Variants in PLEKHG5 observed in about 807,000 individuals in gnomAD.
The protein encoded by PLEKHG5 is pleckstrin homology and RhoGEF domain containing G5.
In PLEKHG5, 52 loss-of-function variants were observed where a neutral mutation model predicts 103.8. The observed-to-expected ratio is 0.50, with a 90% confidence interval of 0.40 to 0.63. PLEKHG5 has a LOEUF of 0.63. Among genes scored for constraint, PLEKHG5 ranks in the 30% least tolerant of loss-of-function variants. The pLI is 0.00. For synonymous variants in PLEKHG5, 592 were observed against 575.5 expected (o/e 1.03, Z -0.41); for missense variants, 1,205 against 1,347.6 (o/e 0.89, Z 1.66).
chr1:6,496,909 G>A, upstream of PLEKHG5: 1 of 1,443,768 alleles, frequency 6.9e-7, no homozygotes, highest in Non-Finnish European at 9.1e-7. Flanking sequence ...GTCCCGGCAG[G>A]GCTGCTGGGG....
At chr1:6,476,715 T>A (rs1433424245) in intron 2 of PLEKHG5, among the ~76,000 whole-genome samples, 1 of 152,210 alleles carries the variant, frequency 6.6e-6, no homozygotes, top group Non-Finnish European at 1.5e-5. Flanking sequence ...TGACCACACC[T>A]GAATTCCCAA....
upstream of PLEKHG5, among the ~76,000 whole-genome samples, chr1:6,494,599 T>C (rs1373354562): frequency 6.6e-6 from 1 of 152,184 alleles, no homozygotes; most frequent in Non-Finnish European, 1.5e-5. Context: ...GACAATGTTA[T>C]TCTTTGTTTC....
At chr1:6,514,401 T>C (rs796224814) in intron 1 of PLEKHG5, among the ~76,000 whole-genome samples, 33 of 150,822 alleles carry the variant, frequency 2.2e-4, no homozygotes, top group African/African-American at 7.8e-4. Context: ...CTGCAGTGAG[T>C]TGTGATTGTG....
At chr1:6,477,400 C>G in intron 2 of PLEKHG5, 129 bp downstream of exon 2, 1 of 978,394 alleles carries the variant, frequency 1.0e-6, no homozygotes, top group Non-Finnish European at 1.6e-6. Context: ...CAAAAGGAAC[C>G]GTAACATACT....
Position 6,471,084 on chromosome 1 carries a change from T to C in PLEKHG5, c.1298A>G (p.Lys433Arg), listed in dbSNP as rs914998161. ...KGFKMFGSLF[K>R]PYIRYCMEEE... ...CTCCATGCAGTAGCGGATGTAGGGCTTGAAGAGCGAGCCGAACTGGCCCGG... is the reference window on the plus strand; with the variant it reads ...CTCCATGCAGTAGCGGATGTAGGGCCTGAAGAGCGAGCCGAACTGGCCCGG... Residue 433 changes from lysine (K) to arginine (R), a missense_variant, in exon 13 of 21, where the codon AAG becomes AGG. Lys to Arg is a conservative substitution (Grantham distance 26). Coordinates refer to ENST00000377728, the MANE Select transcript of PLEKHG5 (RefSeq NM_020631.6). 1 of 1,589,026 alleles carries C rather than the reference T, an allele frequency of 6.3e-7. No homozygotes were observed. The highest frequency in any genetic ancestry group is 8.6e-7 in the Non-Finnish European group (1 of 1,168,886).
At chr1:6,477,730 C>G in intron 1 of PLEKHG5, 72 bp from the exon 2 acceptor site, 1 of 1,554,266 alleles carries the variant, frequency 6.4e-7, no homozygotes, top group Non-Finnish European at 8.7e-7. Context: ...CCCAGCGCTG[C>G]AGGGACTTAG....
chr1:6,478,139 C>G (rs1644812799), intron 1 of PLEKHG5, among the ~76,000 whole-genome samples: 1 of 152,194 alleles, frequency 6.6e-6, no homozygotes, highest in African/African-American at 2.4e-5. Flanking sequence ...CCGCCTGGGC[C>G]TCCCAAAGTG....
At chr1:6,470,928 C>T in intron 13 of PLEKHG5, 44 bp from the exon 14 acceptor site, 1 of 1,549,694 alleles carries the variant, frequency 6.5e-7, no homozygotes, top group Non-Finnish European at 8.7e-7. Flanking sequence ...GGCCCCGCCC[C>T]ACCCGGCCCC....
chr1:6,497,919 G>A (rs1645251841), upstream of PLEKHG5, among the ~76,000 whole-genome samples: 1 of 152,102 alleles, frequency 6.6e-6, no homozygotes. The surrounding 1 kb of genome is among the most constrained non-coding windows in gnomAD (Gnocchi z 6.1). Context: ...ACATTTTCAG[G>A]AAACTTTCAC....
Position 6,507,774 on chromosome 1 carries a change from G to A in PLEKHG5, c.-164-11205C>T, listed in dbSNP as rs1187703664. On this transcript the variant is annotated intron_variant, in intron 1 of 21. Coordinates refer to the PLEKHG5 transcript ENST00000377740. ...TGCCTGCCTGGCCGGCCCCTCCCGCGCCGGCACGGGGCCAGGGAGGACAAA... is the reference window on the plus strand; with the variant it reads ...TGCCTGCCTGGCCGGCCCCTCCCGCACCGGCACGGGGCCAGGGAGGACAAA... Among the ~76,000 whole-genome samples, 7 of 152,298 alleles carry A rather than the reference G, an allele frequency of 4.6e-5. No individual in the cohort carries two copies. The Middle Eastern group carries it at 0.01, about 222-fold the overall frequency.
At position 6,491,602 on chromosome 1, in the gene PLEKHG5, CAGG is replaced by C; in HGVS notation, c.-88+32_-88+34del. On this transcript the variant is annotated intron_variant, in intron 1 of 20. Transcript: ENST00000377728. The surrounding 1 kb of genome is among the most constrained non-coding windows in gnomAD (Gnocchi z 4.1). Reference sequence around the variant, plus strand: ...CGCTGCTCACCCCCAAAGCATTGCCCAGGAGAATAGGTGATTGCCTCTCCCATT... The same window carrying C: ...CGCTGCTCACCCCCAAAGCATTGCCCAGAATAGGTGATTGCCTCTCCCATT... 1 of 966,360 alleles carries C rather than the reference CAGG, an allele frequency of 1.0e-6. No individual in the cohort carries two copies. Among genetic ancestry groups the C allele is most frequent in the Non-Finnish European group, 1.2e-6 (1 of 812,940 alleles). The allele number at this position is 966,360 out of a possible 1,614,324, so 59.9% of individuals were successfully genotyped here.
chr1:6,474,377 G>A, intron 6 of PLEKHG5, 74 bp downstream of exon 6: 1 of 1,566,338 alleles, frequency 6.4e-7, no homozygotes, highest in South Asian at 1.1e-5. Context: ...GGGAACCTGA[G>A]CCTGGGAAGG....
chr1:6,487,626 G>A lies in PLEKHG5; in HGVS notation c.-88+4011C>T, dbSNP rs545621356. ...CCCTATCTTGAAACAGCTGACACCG[G>A]GCCCCAACTTAAATGTTACCTCTAA... On this transcript the variant is annotated intron_variant, in intron 1 of 20. Coordinates refer to ENST00000377728, the MANE Select transcript of PLEKHG5 (RefSeq NM_020631.6). This position sits in a 1 kb window ranked among gnomAD's most constrained non-coding sequence, Gnocchi z 4.1. 0.012 allele frequency among the ~76,000 whole-genome samples: 1,889 copies of A among 151,916 alleles called. 46 individuals are homozygous for A. Among genetic ancestry groups the A allele is most frequent in the African/African-American group, 0.042 (1,755 of 41,410 alleles).
rs187222631 is a variant in PLEKHG5, at chr1:6,491,366, A to C, written c.-88+271T>G. Among the ~76,000 whole-genome samples, 194 of 152,230 alleles carry C rather than the reference A, an allele frequency of 1.3e-3. No individual in the cohort carries two copies. Among genetic ancestry groups the C allele is most frequent in the African/African-American group, 4.5e-3 (189 of 41,548 alleles). On this transcript the variant is annotated intron_variant, in intron 1 of 20. Coordinates refer to ENST00000377728, the MANE Select transcript of PLEKHG5 (RefSeq NM_020631.6). This position sits in a 1 kb window ranked among gnomAD's most constrained non-coding sequence, Gnocchi z 4.1. ...CCACACAACCCTTGGGGCTGGGCCT[A>C]TACTAGGGCAGCTCCTGGCTGGGCC...
intron 12 of PLEKHG5, 176 bp downstream of exon 12, chr1:6,471,312 A>T: frequency 1.2e-6 from 1 of 812,974 alleles, no homozygotes; most frequent in Non-Finnish European, 1.9e-6. Context: ...GGTCAGGTGG[A>T]GGCTCAAACC....
At chr1:6,485,914 C>G in intron 1 of PLEKHG5, 2 of 986,288 alleles carry the variant, frequency 2.0e-6, no homozygotes, top group African/African-American at 3.5e-5. Flanking sequence ...CAGAGGGCTC[C>G]TCAGAACTTG....
At chr1:6,484,840 C>T (rs1193249460) in intron 1 of PLEKHG5, among the ~76,000 whole-genome samples, 1 of 152,012 alleles carries the variant, frequency 6.6e-6, no homozygotes, top group Non-Finnish European at 1.5e-5. Flanking sequence ...CCCCCTCTAA[C>T]GCCAGGCAGC....
At chr1:6,519,279 G>C (rs770399804) in intron 1 of PLEKHG5, among the ~76,000 whole-genome samples, 4 of 152,170 alleles carry the variant, frequency 2.6e-5, no homozygotes, top group Non-Finnish European at 4.4e-5. Context: ...ACTGATTAAT[G>C]GAAGAATGAG....
At chr1:6,518,313 C>A (rs1638682404) in intron 1 of PLEKHG5, among the ~76,000 whole-genome samples, 1 of 151,288 alleles carries the variant, frequency 6.6e-6, no homozygotes, top group African/African-American at 2.4e-5. Context: ...GTAATCCCAG[C>A]ACTTTGGGAG....
Sources: gnomAD v4.1 joint callset for allele counts (sites outside exome capture counted in the v4.1 genomes callset) on GRCh38, gnomAD v4.1.1 for gene constraint, Gnocchi (gnomAD v3.1) non-coding constraint, MANE v1.5 for transcripts, NCBI Gene and HGNC (gene_info 2026-07-23, HGNC 2026-07-21) for gene names.